The following ADIG variants were observed in gnomAD, a reference collection of about 807,000 sequenced individuals.
ADIG encodes adipogenin.
Under a neutral mutation model 10.7 loss-of-function variants are expected in ADIG, and 12 were observed. That is an observed-to-expected ratio of 1.12 (90% CI 0.72 to 1.82). The LOEUF is 1.82. Ranked by LOEUF, ADIG falls within the 40% of genes most tolerant of loss-of-function variation. The probability of loss-of-function intolerance (pLI) is 0.00; values close to 1 mark genes in which losing one functional copy is unlikely to be tolerated. For synonymous variants in ADIG, 32 were observed against 35.6 expected, an observed-to-expected ratio of 0.90 and a Z score of 0.36; for missense variants, 72 against 92.5, an observed-to-expected ratio of 0.78 and a Z score of 0.91.
At chr20:38,583,260 C>T (rs542355963) in intron 1 of ADIG, among the ~76,000 whole-genome samples, 1 of 152,266 alleles carries the variant, frequency 6.6e-6, no homozygotes, top group South Asian at 2.1e-4. Context: ...TTAATAATAT[C>T]ACAATTGGGG....
chr20:38,586,002 A>C (rs1216034226), intron 1 of ADIG, 27 bp from the exon 2 acceptor site: 7 of 1,574,044 alleles, frequency 4.4e-6, no homozygotes, highest in Non-Finnish European at 6.0e-6. Flanking sequence ...GTGACCATCC[A>C]AGAGGCCTTG....
chr20:38,585,181 A>T (rs2088625596), intron 1 of ADIG, among the ~76,000 whole-genome samples: 1 of 152,248 alleles, frequency 6.6e-6, no homozygotes, highest in African/African-American at 2.4e-5. Flanking sequence ...ATCCTAGAAG[A>T]TGCTGATATT....
At chr20:38,581,460 C>A in intron 1 of ADIG, 86 bp downstream of exon 1, 1 of 1,560,890 alleles carries the variant, frequency 6.4e-7, no homozygotes, top group Admixed American at 1.8e-5. Flanking sequence ...GAAACAACTG[C>A]AGAAGGGGCT....
chr20:38,583,490 G>A lies in ADIG; in HGVS notation c.124+2116G>A, dbSNP rs114435791. 2.9e-3 allele frequency among the ~76,000 whole-genome samples: 443 copies of A among 152,326 alleles called. 1 individual carries two copies. The highest frequency in any genetic ancestry group is 0.01 in the African/African-American group (419 of 41,568). On this transcript the variant is annotated intron_variant, in intron 1 of 2. Coordinates refer to ENST00000537425, the MANE Select transcript of ADIG (RefSeq NM_001393816.1). Reference sequence around the variant, plus strand: ...CAGGCTTCAGTGGTCGATGCATATCGGGTACTTACAGGGCAGGGCACACAG... The same window carrying A: ...CAGGCTTCAGTGGTCGATGCATATCAGGTACTTACAGGGCAGGGCACACAG...
chr20:38,585,276 T>C (rs2088626239), intron 1 of ADIG, among the ~76,000 whole-genome samples: 1 of 152,180 alleles, frequency 6.6e-6, no homozygotes, highest in Admixed American at 6.5e-5. Context: ...ATCTTCCCCA[T>C]CCCTCTTTTT....
chr20:38,585,575 C>T (rs1437339049), intron 1 of ADIG: 29 of 1,519,076 alleles, frequency 1.9e-5, no homozygotes, highest in East Asian at 4.9e-5. Context: ...GATCTGTGGA[C>T]GTGGACACAG....
intron 1 of ADIG, among the ~76,000 whole-genome samples, chr20:38,582,408 G>A (rs908667662): frequency 2.0e-5 from 3 of 152,138 alleles, no homozygotes; most frequent in East Asian, 1.9e-4. Flanking sequence ...AGGCCTCTTC[G>A]TGGGGACCAC....
intron 1 of ADIG, 149 bp downstream of exon 1, chr20:38,581,523 G>A: frequency 1.6e-6 from 2 of 1,233,752 alleles, no homozygotes; most frequent in East Asian, 2.4e-5. Flanking sequence ...ACTCTTAAGT[G>A]GAAAGGATTG....
intron 2 of ADIG, among the ~76,000 whole-genome samples, chr20:38,586,622 G>A (rs1311427543): frequency 1.3e-5 from 2 of 152,026 alleles, no homozygotes; most frequent in African/African-American, 2.4e-5. Flanking sequence ...AGTACTTACC[G>A]CCTTCTAACA....
intron 2 of ADIG, among the ~76,000 whole-genome samples, chr20:38,586,542 T>C (rs761713649): frequency 6.6e-6 from 1 of 152,106 alleles, no homozygotes; most frequent in Non-Finnish European, 1.5e-5. Context: ...GGCCACCCTA[T>C]TCGATATTGA....
chr20:38,586,134 G>C lies in ADIG; in HGVS notation c.230G>C (p.Arg77Thr). Residue 77 changes from arginine to threonine, a missense_variant, in exon 2 of 3, where the codon AGG becomes ACG. Coordinates refer to ENST00000537425, the MANE Select transcript of ADIG (RefSeq NM_001393816.1). ...KGTLHGQEKE[R>T]PCW ...ACACTCCACGGCCAAGAGAAGGAGA[G>C]GCCCTGCTGGTGAGCCTGCTGTGCC... The C allele has an allele frequency of 6.3e-7, 1 of 1,595,316 alleles. No homozygotes were observed. The highest frequency in any genetic ancestry group is 8.5e-7 in the Non-Finnish European group (1 of 1,170,840).
At chr20:38,588,042 C>G in intron 2 of ADIG, 59 bp from the exon 3 acceptor site, 1 of 1,240,480 alleles carries the variant, frequency 8.1e-7, no homozygotes, top group Non-Finnish European at 1.0e-6. Context: ...CTGGCCTTAC[C>G]CACCTCTTTT....
At chr20:38,585,631 CAG>C (rs1196324944) in intron 1 of ADIG, 10 of 1,142,076 alleles carry the variant, frequency 8.8e-6, no homozygotes, top group African/African-American at 3.1e-5. Context: ...CATCACAAAA[CAG>C]GGCTACAGTG....
At chr20:38,582,775 CTCTGGAG>C (rs1226986493) in intron 1 of ADIG, among the ~76,000 whole-genome samples, 3 of 152,042 alleles carry the variant, frequency 2.0e-5, no homozygotes, top group Non-Finnish European at 4.4e-5. Context: ...AAAGTTGTCT[CTCTGGAG>C]TCTGGAAGAT....
chr20:38,584,916 T>C (rs986227524), intron 1 of ADIG, among the ~76,000 whole-genome samples: 5 of 152,206 alleles, frequency 3.3e-5, no homozygotes, highest in Non-Finnish European at 7.3e-5. Context: ...CAGCTGGGAC[T>C]ACAGGTGCGC....
rs561479782 is a variant in ADIG at position 38,587,625 on chromosome 20, T to A, written c.*15-476T>A. Among the ~76,000 whole-genome samples the A allele has an allele frequency of 5.4e-4, 82 of 152,336 alleles. 1 individual carries two copies. The highest frequency in any genetic ancestry group is 1.2e-4 in the Non-Finnish European group (8 of 68,028). On this transcript the variant is annotated intron_variant, in intron 2 of 2. Coordinates refer to ENST00000537425, the MANE Select transcript of ADIG (RefSeq NM_001393816.1). ...TTATGTAGCTTGATCTGTTTTTATA[T>A]AATTTGTGGCATGAGAAAAGATTTT...
chr20:38,585,794 T>G, intron 1 of ADIG: 1 of 608,618 alleles, frequency 1.6e-6, no homozygotes, highest in Non-Finnish European at 2.9e-6. Context: ...TGTCCTCCCC[T>G]CTAGATACGG....
intron 1 of ADIG, among the ~76,000 whole-genome samples, chr20:38,584,183 G>A (rs1215325248): frequency 2.6e-5 from 4 of 152,192 alleles, no homozygotes; most frequent in East Asian, 3.9e-4. Flanking sequence ...TTCCCAAGTC[G>A]AAGGAGGAGC....
In ADIG at chr20:38,581,432, A is replaced by G. The variant is rs148569759; in HGVS notation, c.124+58A>G. The G allele has an allele frequency of 1.4e-3, 2,178 of 1,610,176 alleles. 6 individuals carry two copies. The highest frequency in any genetic ancestry group is 0.012 in the Middle Eastern group (72 of 5,764). The stretch of plus-strand genomic sequence containing the variant: ...AATCCTGGAGCTAGGCAGGGGGCCA[A>G]ATAGGCCAGTGTGTCCTGAAACAAC... On this transcript the variant is annotated intron_variant, in intron 1 of 2. Transcript: ENST00000537425.
Sources: gnomAD v4.1 joint callset for allele counts (sites outside exome capture counted in the v4.1 genomes callset) on GRCh38, gnomAD v4.1.1 for gene constraint, MANE v1.5 for transcripts, NCBI Gene and HGNC (gene_info 2026-07-23, HGNC 2026-07-21) for gene names.